The following SLCO1B1 variants were observed in gnomAD, a reference collection of about 807,000 sequenced individuals.
SLCO1B1 encodes solute carrier organic anion transporter family member 1B1.
In SLCO1B1, 81 loss-of-function variants were observed where a neutral mutation model predicts 70.1. The observed-to-expected ratio is 1.16, with a 90% CI of 0.97 to 1.39. SLCO1B1 has a LOEUF of 1.39. SLCO1B1 is among the 40% of genes most tolerant of loss of function. SLCO1B1 has a pLI of 0.00. For synonymous variants in SLCO1B1, 283 were observed against 271.5 expected (o/e 1.04, Z -0.42); for missense variants, 895 against 799.6 (o/e 1.12, Z -1.44).
intron 7 of SLCO1B1, among the ~76,000 whole-genome samples, chr12:21,183,640 C>T (rs1350067122): frequency 6.6e-6 from 1 of 152,124 alleles, no homozygotes; most frequent in Non-Finnish European, 1.5e-5. Context: ...GAACACCATT[C>T]CTTCAAGATG....
At chr12:21,178,446 G>A (rs1591810268) in intron 5 of SLCO1B1, 130 bp from the exon 6 acceptor site, 1 of 660,434 alleles carries the variant, frequency 1.5e-6, no homozygotes, top group African/African-American at 2.2e-5. Flanking sequence ...TTTGCAAAGT[G>A]AATATAAATT....
intron 12 of SLCO1B1, among the ~76,000 whole-genome samples, chr12:21,218,868 C>G (rs1278229083): frequency 6.6e-6 from 1 of 152,116 alleles, no homozygotes; most frequent in African/African-American, 2.4e-5. Context: ...TTGAAATAAG[C>G]ATTTTGTGAA....
chr12:21,218,422 A>G (rs1185572509), intron 12 of SLCO1B1, among the ~76,000 whole-genome samples: 1 of 152,156 alleles, frequency 6.6e-6, no homozygotes, highest in Non-Finnish European at 1.5e-5. Context: ...ATTGTTGATC[A>G]TAAGTTCACT....
chr12:21,158,031 A>G (rs73244887), intron 2 of SLCO1B1, among the ~76,000 whole-genome samples: 3,961 of 152,282 alleles, frequency 0.026, 197 homozygotes, highest in African/African-American at 0.09. Flanking sequence ...TTTCAATAAA[A>G]CAAGCTAAGA....
intron 11 of SLCO1B1, among the ~76,000 whole-genome samples, chr12:21,214,351 C>A (rs555058671): frequency 6.1e-5 from 9 of 148,460 alleles, no homozygotes; most frequent in Non-Finnish European, 1.2e-4. Flanking sequence ...CCTGCTGGGG[C>A]GTGCCTCCCA....
intron 7 of SLCO1B1, among the ~76,000 whole-genome samples, chr12:21,180,444 T>C (rs1940881769): frequency 6.6e-6 from 1 of 152,208 alleles, no homozygotes; most frequent in Non-Finnish European, 1.5e-5. Context: ...CAATGAGCTA[T>C]TAATATTTGT....
At chr12:21,226,409 G>T (rs1350105653) in intron 14 of SLCO1B1, among the ~76,000 whole-genome samples, 2 of 148,306 alleles carry the variant, frequency 1.3e-5, no homozygotes, top group Non-Finnish European at 3.0e-5. Context: ...GCGAGACTCT[G>T]TCTCAAAAAA....
At chr12:21,208,614 CTT>C (rs1002502052) in intron 11 of SLCO1B1, among the ~76,000 whole-genome samples, 1 of 151,982 alleles carries the variant, frequency 6.6e-6, no homozygotes, top group Non-Finnish European at 1.5e-5. Context: ...TATTCAGTCT[CTT>C]TTTTCCTATG....
chr12:21,238,417 C>T (rs890707846), intron 14 of SLCO1B1, among the ~76,000 whole-genome samples: 5 of 151,968 alleles, frequency 3.3e-5, no homozygotes, highest in Admixed American at 6.6e-5. Flanking sequence ...AAAATTTCCA[C>T]GTCCCGGACA....
intron 2 of SLCO1B1, among the ~76,000 whole-genome samples, chr12:21,160,726 C>T (rs1461689036): frequency 3.3e-5 from 5 of 152,114 alleles, no homozygotes; most frequent in Non-Finnish European, 7.3e-5. Context: ...CATAAACAGA[C>T]ATCCTACAGA....
Position 21,217,229 on chromosome 12 carries a change from T to A in SLCO1B1, c.1608T>A (p.Phe536Leu), listed in dbSNP as rs749914571. 6.2e-7 allele frequency: 1 copy of A among 1,613,702 alleles called. No homozygotes were observed. The highest frequency in any genetic ancestry group is 1.3e-5 in the African/African-American group (1 of 74,938). The change falls in exon 12 of 15, where the codon TTT (phenylalanine) becomes TTA (leucine). Residue 536 changes from phenylalanine (F) to leucine (L), a missense_variant. Phe to Leu is a conservative substitution (Grantham distance 22). Coordinates refer to ENST00000256958, the MANE Select transcript of SLCO1B1 (RefSeq NM_006446.5). ...RDDACTRKFY[F>L]FVAIQVLNLF... ...ATGCTTGTACAAGGAAATTTTACTT[T>A]TTTGTTGCAATACAAGTCTTGAATT...
At chr12:21,137,590 C>T (rs1027183282) in intron 1 of SLCO1B1, among the ~76,000 whole-genome samples, 1 of 152,176 alleles carries the variant, frequency 6.6e-6, no homozygotes, top group African/African-American at 2.4e-5. Flanking sequence ...TCTTGGATGG[C>T]TGTGCTTGCA....
chr12:21,161,003 AAACT>A (rs1466582474), intron 2 of SLCO1B1, among the ~76,000 whole-genome samples: 5 of 152,166 alleles, frequency 3.3e-5, no homozygotes, highest in African/African-American at 1.2e-4. Flanking sequence ...AAAAAATAAA[AAACT>A]AACAGATGCC....
chr12:21,135,745 A>G (rs975522982), intron 1 of SLCO1B1, among the ~76,000 whole-genome samples: 7 of 151,894 alleles, frequency 4.6e-5, no homozygotes, highest in African/African-American at 7.3e-5. Context: ...TGTGAGATGG[A>G]TTTCCTGACT....
chr12:21,138,570 AC>A (rs1940261812), intron 1 of SLCO1B1, among the ~76,000 whole-genome samples: 1 of 152,154 alleles, frequency 6.6e-6, no homozygotes, highest in African/African-American at 2.4e-5. Context: ...CAAAGTGTCC[AC>A]CTTTTTTTCC....
chr12:21,221,354 A>G (rs1941421847), intron 12 of SLCO1B1, among the ~76,000 whole-genome samples: 2 of 152,144 alleles, frequency 1.3e-5, no homozygotes. Flanking sequence ...TCCAAATTAG[A>G]AAAGAGGAAC....
intron 2 of SLCO1B1, among the ~76,000 whole-genome samples, chr12:21,167,816 T>C (rs895364557): frequency 3.0e-4 from 45 of 151,218 alleles, no homozygotes; most frequent in African/African-American, 1.0e-3. Flanking sequence ...TTTCTTTCTT[T>C]TCTTTTTTTT....
At chr12:21,186,108 C>A (rs766770762) in intron 7 of SLCO1B1, among the ~76,000 whole-genome samples, 146 of 152,068 alleles carry the variant, frequency 9.6e-4, no homozygotes, top group Non-Finnish European at 1.8e-3. Flanking sequence ...CAGCCAAATT[C>A]TACTAATTCT....
Position 21,224,742 on chromosome 12 carries a change from T to C in SLCO1B1, c.1768T>C (p.Tyr590His), listed in dbSNP as rs1565443946. ...TACAGGAGGAATTCTAGCTCCAATATATTTTGGGGCTCTGATTGATACAAC... is the reference window on the plus strand; with the variant it reads ...TACAGGAGGAATTCTAGCTCCAATACATTTTGGGGCTCTGATTGATACAAC... ...RALGGILAPI[Y>H]FGALIDTTCI... Residue 590 changes from tyrosine (Y) to histidine (H), a missense_variant, in exon 14 of 15, where the codon TAT (tyrosine) becomes CAT (histidine). Coordinates refer to ENST00000256958, the MANE Select transcript of SLCO1B1 (RefSeq NM_006446.5). The C allele has an allele frequency of 6.2e-7, 1 of 1,610,034 alleles. No homozygotes were observed.
Sources: allele counts gnomAD v4.1 joint callset (sites outside exome capture counted in the v4.1 genomes callset), GRCh38; gene constraint gnomAD v4.1.1; transcripts MANE v1.5; gene names NCBI Gene and HGNC (gene_info 2026-07-23, HGNC 2026-07-21).